OR9Q1: variants seen among roughly 807,000 people sequenced by gnomAD.
OR9Q1 encodes olfactory receptor family 9 subfamily Q member 1.
For missense variants in OR9Q1, 374 were observed against 378.8 expected (o/e 0.99, Z 0.11); for synonymous variants, 153 against 148.6 (o/e 1.03, Z -0.22).
chr11:58,106,649 T>A (rs2120098111), intron 2 of OR9Q1, among the ~76,000 whole-genome samples: 1 of 152,296 alleles, frequency 6.6e-6, no homozygotes, highest in East Asian at 1.9e-4. Flanking sequence ...AAGTTTTTAA[T>A]CTGTTTAGAG....
At chr11:58,048,669 T>TAAA (rs369007273) in intron 1 of OR9Q1, among the ~76,000 whole-genome samples, 2 of 104,008 alleles carry the variant, frequency 1.9e-5, no homozygotes, top group African/African-American at 6.3e-5. Context: ...GACTCCATCT[T>TAAA]AAAAAAAAAA....
intron 2 of OR9Q1, among the ~76,000 whole-genome samples, chr11:58,121,682 T>G (rs551520600): frequency 8.5e-5 from 13 of 152,336 alleles, no homozygotes; most frequent in African/African-American, 2.9e-4. Flanking sequence ...CTATGTTTGA[T>G]GAAGCCATGA....
chr11:58,028,673 T>C (rs964921891), intron 1 of OR9Q1, among the ~76,000 whole-genome samples: 2 of 151,982 alleles, frequency 1.3e-5, no homozygotes, highest in African/African-American at 4.8e-5. Flanking sequence ...TGGGTGGAAA[T>C]TGCATCCTGA....
At chr11:58,096,313 C>T (rs1018142472) in intron 2 of OR9Q1, among the ~76,000 whole-genome samples, 5 of 152,132 alleles carry the variant, frequency 3.3e-5, no homozygotes, top group African/African-American at 1.2e-4. Context: ...CACCACCACA[C>T]AGATCAAACT....
intron 2 of OR9Q1, among the ~76,000 whole-genome samples, chr11:58,150,604 C>T (rs556489003): frequency 3.7e-4 from 56 of 152,256 alleles, no homozygotes; most frequent in Non-Finnish European, 6.9e-4. Flanking sequence ...ATATTGTAAA[C>T]ATCCTAACAT....
intron 2 of OR9Q1, among the ~76,000 whole-genome samples, chr11:58,164,238 T>C (rs536134113): frequency 6.6e-6 from 1 of 152,150 alleles, no homozygotes; most frequent in East Asian, 1.9e-4. Context: ...CACGTTCCTG[T>C]CTTTAGGTGG....
At chr11:58,092,185 T>C (rs937232159) in intron 2 of OR9Q1, among the ~76,000 whole-genome samples, 1 of 152,212 alleles carries the variant, frequency 6.6e-6, no homozygotes, top group Admixed American at 6.5e-5. Context: ...GACCCTGTCA[T>C]CATGATGCTA....
intron 1 of OR9Q1, among the ~76,000 whole-genome samples, chr11:58,029,188 A>G (rs1368729446): frequency 6.6e-6 from 1 of 152,192 alleles, no homozygotes; most frequent in African/African-American, 2.4e-5. Flanking sequence ...GGCCAGCTCA[A>G]CTGGGGGCTG....
At chr11:58,101,972 C>T (rs897491937) in intron 2 of OR9Q1, among the ~76,000 whole-genome samples, 3 of 152,032 alleles carry the variant, frequency 2.0e-5, no homozygotes, top group Admixed American at 1.3e-4. Context: ...TCTCAAACTC[C>T]CCACCTCAGG....
chr11:58,077,128 AC>A (rs1191057297), intron 2 of OR9Q1, among the ~76,000 whole-genome samples: 1 of 152,160 alleles, frequency 6.6e-6, no homozygotes, highest in Non-Finnish European at 1.5e-5. Context: ...GATTTCTATA[AC>A]TCTTGGAAAA....
chr11:58,113,282 C>T (rs563873788), intron 2 of OR9Q1, among the ~76,000 whole-genome samples: 2 of 152,204 alleles, frequency 1.3e-5, no homozygotes, highest in South Asian at 4.2e-4. Context: ...TGACTTTCAC[C>T]CAGTAAGTCA....
intron 2 of OR9Q1, chr11:58,125,236 A>ACCCC (rs201477338): frequency 1.4e-5 from 1 of 69,658 alleles, no homozygotes; most frequent in Admixed American, 2.0e-4. Flanking sequence ...CCCCTTACCC[A>ACCCC]CCGCCCCCCC....
At chr11:58,168,189 TAACTC>T (rs1352244991) in intron 2 of OR9Q1, among the ~76,000 whole-genome samples, 1 of 152,208 alleles carries the variant, frequency 6.6e-6, no homozygotes, top group Non-Finnish European at 1.5e-5. Context: ...ATTTCAAAAA[TAACTC>T]AGTAAAGATA....
At position 58,066,090 on chromosome 11, in the gene OR9Q1, GCTCCCTCCC is replaced by G. The variant is rs370249972; in HGVS notation, c.-15+10153_-15+10161del. 8.4e-4 allele frequency among the ~76,000 whole-genome samples: 128 copies of G among 152,100 alleles called. 1 individual carries two copies. Among genetic ancestry groups the G allele is most frequent in the African/African-American group, 2.9e-3 (121 of 41,512 alleles). ...GCTGCCTACAGTGATTGGGAAGGTG[GCTCCCTCCC>G]CTCCCTCCCTCCCTCCTTCTCTCCC... On this transcript the variant is annotated intron_variant, in intron 2 of 2. Coordinates refer to ENST00000335397, the MANE Select transcript of OR9Q1 (RefSeq NM_001005212.4).
chr11:58,117,757 A>G (rs2120123981), intron 2 of OR9Q1: 1 of 152,334 alleles, frequency 6.6e-6, no homozygotes, highest in South Asian at 2.1e-4. Context: ...CATGGCCTTC[A>G]GAAATGAGAG....
intron 2 of OR9Q1, among the ~76,000 whole-genome samples, chr11:58,103,122 A>G (rs1221616456): frequency 1.3e-5 from 2 of 152,032 alleles, no homozygotes; most frequent in Admixed American, 1.3e-4. Flanking sequence ...TAATTGACTC[A>G]CAGTTCCACA....
chr11:58,142,055 T>G (rs1346551583), intron 2 of OR9Q1, among the ~76,000 whole-genome samples: 2 of 152,210 alleles, frequency 1.3e-5, no homozygotes, highest in Non-Finnish European at 2.9e-5. Flanking sequence ...CAAGTACATA[T>G]GTACAGTTAC....
intron 2 of OR9Q1, among the ~76,000 whole-genome samples, chr11:58,056,913 G>T (rs146654909): frequency 6.6e-6 from 1 of 151,562 alleles, no homozygotes; most frequent in Non-Finnish European, 1.5e-5. Flanking sequence ...GAACTCTAAG[G>T]CTCCAAGAAG....
intron 2 of OR9Q1, among the ~76,000 whole-genome samples, chr11:58,083,027 A>G (rs1274876160): frequency 6.7e-6 from 1 of 149,310 alleles, no homozygotes; most frequent in Non-Finnish European, 1.5e-5. Flanking sequence ...ATTAGATCCC[A>G]TTTGTCTATT....
Sources: gnomAD v4.1 joint callset for allele counts (sites outside exome capture counted in the v4.1 genomes callset) on GRCh38, gnomAD v4.1.1 for gene constraint, MANE v1.5 for transcripts, NCBI Gene and HGNC (gene_info 2026-07-23, HGNC 2026-07-21) for gene names.